The following ZHX2 variants were observed in gnomAD, a reference collection of about 807,000 sequenced individuals.
The protein encoded by ZHX2 is zinc fingers and homeoboxes 2.
Under a neutral mutation model 21.9 loss-of-function variants are expected in ZHX2, and 6 were observed. The observed-to-expected ratio is 0.27, with a 90% CI of 0.15 to 0.54. ZHX2 has a LOEUF of 0.54. ZHX2 is among the 20% of genes least tolerant of loss of function. ZHX2 has a pLI of 0.95. For missense variants in ZHX2, 908 were observed against 1,090.7 expected (o/e 0.83, Z 2.36); for synonymous variants, 434 against 437.1 (o/e 0.99, Z 0.09).
chr8:122,845,129 T>G (rs754221554), intron 1 of ZHX2, among the ~76,000 whole-genome samples: 6 of 152,250 alleles, frequency 3.9e-5, no homozygotes, highest in Non-Finnish European at 7.3e-5. Context: ...TCACCAGCAC[T>G]GTGACCTTGG....
chr8:122,820,624 A>G (rs557129239), intron 1 of ZHX2, among the ~76,000 whole-genome samples: 3 of 152,230 alleles, frequency 2.0e-5, no homozygotes, highest in Admixed American at 2.0e-4. Flanking sequence ...GAGAATAGTC[A>G]CCAGACGACG....
At chr8:122,930,656 T>A (rs1322254719) in intron 2 of ZHX2, among the ~76,000 whole-genome samples, 2 of 151,762 alleles carry the variant, frequency 1.3e-5, no homozygotes, top group African/African-American at 4.8e-5. Context: ...TTTTTTTTTT[T>A]TTTTATTTTT....
intron 2 of ZHX2, among the ~76,000 whole-genome samples, chr8:122,883,630 A>AG (rs11451482): frequency 0.55 from 84,198 of 151,866 alleles, 24,274 homozygotes; most frequent in African/African-American, 0.7. Context: ...TGGAAAAAAA[A>AG]AGAGATAATA....
chr8:122,907,770 G>C (rs1337745187), intron 2 of ZHX2, among the ~76,000 whole-genome samples: 1 of 152,096 alleles, frequency 6.6e-6, no homozygotes, highest in Non-Finnish European at 1.5e-5. Flanking sequence ...GCATTGTGAG[G>C]ATTAAATGAG....
intron 2 of ZHX2, among the ~76,000 whole-genome samples, chr8:122,932,478 C>T (rs1460580144): frequency 1.3e-5 from 2 of 152,198 alleles, no homozygotes; most frequent in African/African-American, 4.8e-5. Context: ...AAGCACATCA[C>T]ACCAATGTCT....
intron 1 of ZHX2, among the ~76,000 whole-genome samples, chr8:122,787,536 G>T (rs779267171): frequency 8.5e-5 from 13 of 152,206 alleles, no homozygotes; most frequent in Non-Finnish European, 1.5e-4. Flanking sequence ...GGAAGCCCAC[G>T]CTGAGTTTAT....
chr8:122,881,534 A>G (rs1819713229), intron 2 of ZHX2, among the ~76,000 whole-genome samples: 1 of 152,250 alleles, frequency 6.6e-6, no homozygotes, highest in South Asian at 2.1e-4. Context: ...TGGAGTAAAC[A>G]TAGGAACCGT....
At chr8:122,856,209 G>T (rs1435821914) in intron 1 of ZHX2, among the ~76,000 whole-genome samples, 2 of 152,340 alleles carry the variant, frequency 1.3e-5, no homozygotes, top group East Asian at 3.9e-4. Context: ...AACTGAGTCT[G>T]TCAGTCTCTA....
intron 2 of ZHX2, among the ~76,000 whole-genome samples, chr8:122,886,302 A>G (rs1429403142): frequency 6.6e-6 from 1 of 152,226 alleles, no homozygotes; most frequent in African/African-American, 2.4e-5. Context: ...CAGTAAAAAG[A>G]TCAGTGTTGC....
chr8:122,853,562 G>C (rs927148945), intron 1 of ZHX2, among the ~76,000 whole-genome samples: 2 of 152,080 alleles, frequency 1.3e-5, no homozygotes, highest in Admixed American at 6.6e-5. Flanking sequence ...CCTCGAGTTG[G>C]CTCCACCTTC....
rs945715742 is a variant in ZHX2, at chr8:122,828,616, A to G, written c.-282-34861A>G. ...CTCTGTGTAATAACTAGGCGGGGCC[A>G]TGGGCTGTGGGGGATGTGCTGGCGG... On this transcript the variant is annotated intron_variant, in intron 1 of 3. Coordinates refer to ENST00000314393, the MANE Select transcript of ZHX2 (RefSeq NM_014943.5). This position sits in a 1 kb window ranked among gnomAD's most constrained non-coding sequence, Gnocchi z 5.2. Among the ~76,000 whole-genome samples, 9 of 152,224 alleles carry G rather than the reference A, an allele frequency of 5.9e-5. No individual in the cohort carries two copies. The highest frequency in any genetic ancestry group is 1.3e-4 in the Admixed American group (2 of 15,282).
At position 122,787,088 on chromosome 8, in the gene ZHX2, G is replaced by GGTGTGTGTGTGT. The variant is rs35726514; in HGVS notation, c.-283+5157_-283+5168dup. Among the ~76,000 whole-genome samples the GGTGTGTGTGTGT allele has an allele frequency of 6.9e-3, 1,018 of 148,548 alleles. 9 individuals carry two copies. The highest frequency in any genetic ancestry group is 0.023 in the African/African-American group (915 of 40,220). On this transcript the variant is annotated intron_variant, in intron 1 of 3. Coordinates refer to ENST00000314393, the MANE Select transcript of ZHX2 (RefSeq NM_014943.5). Reference sequence around the variant, plus strand: ...CAGTTAAGAGGGGTTGATTGGCAGTGGTGTGTGTGTGTGTGTGTGTGTGTG... The same window carrying GGTGTGTGTGTGT: ...CAGTTAAGAGGGGTTGATTGGCAGTGGTGTGTGTGTGTGTGTGTGTGTGTGTGTGTGTGTGTG...
At chr8:122,968,130 G>A (rs1813629575) in intron 3 of ZHX2, among the ~76,000 whole-genome samples, 1 of 152,172 alleles carries the variant, frequency 6.6e-6, no homozygotes, top group East Asian at 1.9e-4. Context: ...ACACATGTAA[G>A]CACTTTGGGG....
chr8:122,901,946 G>A (rs1820239510), intron 2 of ZHX2, among the ~76,000 whole-genome samples: 1 of 151,848 alleles, frequency 6.6e-6, no homozygotes, highest in Non-Finnish European at 1.5e-5. Context: ...TGCTCCAGTA[G>A]AAATTATTCA....
chr8:122,898,543 A>C (rs1356918096), intron 2 of ZHX2, among the ~76,000 whole-genome samples: 1 of 152,202 alleles, frequency 6.6e-6, no homozygotes, highest in East Asian at 1.9e-4. Context: ...CCCCACTTCT[A>C]ATTGTCTTCC....
At chr8:122,954,986 A>G (rs773683946) in intron 3 of ZHX2, among the ~76,000 whole-genome samples, 8 of 143,370 alleles carry the variant, frequency 5.6e-5, no homozygotes, top group Non-Finnish European at 1.1e-4. Context: ...GGCAAAAGGA[A>G]GGTGCCACTG....
intron 2 of ZHX2, among the ~76,000 whole-genome samples, chr8:122,866,058 A>G (rs544963979): frequency 7.2e-5 from 11 of 152,302 alleles, no homozygotes; most frequent in African/African-American, 2.4e-4. Flanking sequence ...ACCTCTCAGA[A>G]CACCCCTTTT....
chr8:122,790,302 T>C (rs1817486892), intron 1 of ZHX2, among the ~76,000 whole-genome samples: 1 of 152,206 alleles, frequency 6.6e-6, no homozygotes, highest in African/African-American at 2.4e-5. Context: ...TGGCCATGTA[T>C]TATTTTTCTT....
At chr8:122,845,618 CAA>C (rs1446087749) in intron 1 of ZHX2, among the ~76,000 whole-genome samples, 3 of 152,178 alleles carry the variant, frequency 2.0e-5, no homozygotes, top group African/African-American at 7.2e-5. Context: ...GGCATGGAAA[CAA>C]GAGTGTGAAC....
Sources: gnomAD v4.1 joint callset for allele counts (sites outside exome capture counted in the v4.1 genomes callset) on GRCh38, gnomAD v4.1.1 for gene constraint, Gnocchi (gnomAD v3.1) non-coding constraint, MANE v1.5 for transcripts, NCBI Gene and HGNC (gene_info 2026-07-23, HGNC 2026-07-21) for gene names.